ASIC2: variants seen among roughly 807,000 people sequenced by gnomAD.
ASIC2 encodes the protein acid sensing ion channel subunit 2.
ASIC2 carries 25 observed loss-of-function variants against 57.3 expected under a neutral mutation model. That is an observed-to-expected ratio of 0.44 (90% CI 0.32 to 0.61). ASIC2 has a LOEUF of 0.61. ASIC2 is among the 20% of genes least tolerant of loss of function. ASIC2 has a pLI of 0.06. For missense variants in ASIC2, 641 were observed against 738.1 expected (o/e 0.87, Z 1.52); for synonymous variants, 319 against 307.5 (o/e 1.04, Z -0.39).
chr17:33,491,471 A>G (rs1913756487), intron 1 of ASIC2, among the ~76,000 whole-genome samples: 1 of 152,334 alleles, frequency 6.6e-6, no homozygotes, highest in African/African-American at 2.4e-5. Flanking sequence ...CTGCATGCAT[A>G]GACTATTTCT....
At chr17:33,060,505 G>C (rs944576459) in intron 3 of ASIC2, among the ~76,000 whole-genome samples, 9 of 152,136 alleles carry the variant, frequency 5.9e-5, no homozygotes, top group African/African-American at 2.2e-4. Flanking sequence ...GCTCTGTTCT[G>C]TTCCGTTGGT....
chr17:33,740,085 G>A (rs1452985274), intron 1 of ASIC2, among the ~76,000 whole-genome samples: 1 of 152,178 alleles, frequency 6.6e-6, no homozygotes, highest in Non-Finnish European at 1.5e-5. Context: ...GAGGCAGAAA[G>A]GAGAGCCAGG....
intron 1 of ASIC2, among the ~76,000 whole-genome samples, chr17:33,390,578 G>A (rs993056678): frequency 6.6e-6 from 1 of 152,160 alleles, no homozygotes; most frequent in Admixed American, 6.5e-5. Context: ...GCTGTAGAGT[G>A]TCTCCCAGGG....
rs115127036 is a variant in ASIC2, at chr17:33,837,068, C to T, written c.555+318910G>A. ...TCTTGAGCATTCTCTGTACTGATTA[C>T]GTGGGCTGAAAGATCAATGGGCTTT... On this transcript the variant is annotated intron_variant, in intron 1 of 9. Coordinates refer to the ASIC2 transcript ENST00000359872. Among the ~76,000 whole-genome samples, 512 of 152,256 alleles carry T rather than the reference C, an allele frequency of 3.4e-3. 3 individuals carry two copies. Among genetic ancestry groups the T allele is most frequent in the African/African-American group, 0.01 (423 of 41,536 alleles).
chr17:33,740,014 GAGAGAGAA>G (rs1210400965), intron 1 of ASIC2, among the ~76,000 whole-genome samples: 1 of 144,804 alleles, frequency 6.9e-6, no homozygotes, highest in Non-Finnish European at 1.6e-5. Context: ...TAAAGAAAGA[GAGAGAGAA>G]AGAAAGAAAA....
At chr17:33,766,901 C>T (rs1055172577) in intron 1 of ASIC2, among the ~76,000 whole-genome samples, 5 of 152,088 alleles carry the variant, frequency 3.3e-5, no homozygotes, top group Non-Finnish European at 7.4e-5. Flanking sequence ...ATTTTGATGG[C>T]GATAAACTCT....
At chr17:33,782,640 G>C (rs1911490505) in intron 1 of ASIC2, among the ~76,000 whole-genome samples, 1 of 152,032 alleles carries the variant, frequency 6.6e-6, no homozygotes, top group African/African-American at 2.4e-5. Context: ...TAGGTGAGAG[G>C]GTTGCCTGAG....
At chr17:33,714,760 ATGT>A (rs1909158023) in intron 1 of ASIC2, among the ~76,000 whole-genome samples, 1 of 147,990 alleles carries the variant, frequency 6.8e-6, no homozygotes, top group Non-Finnish European at 1.5e-5. Context: ...AAACAACCAA[ATGT>A]TGTTGTTTCA....
intron 1 of ASIC2, among the ~76,000 whole-genome samples, chr17:33,664,480 T>G (rs1375060603): frequency 6.6e-6 from 1 of 152,174 alleles, no homozygotes; most frequent in East Asian, 1.9e-4. Context: ...GATGATCCAA[T>G]GAGAGCTGAG....
intron 1 of ASIC2, among the ~76,000 whole-genome samples, chr17:33,474,966 G>A (rs1034334440): frequency 3.3e-5 from 5 of 152,248 alleles, no homozygotes; most frequent in South Asian, 2.1e-4. Flanking sequence ...GGAGTTGATC[G>A]TCCTGCCTCC....
At chr17:34,104,073 T>C (rs1456898427) in intron 1 of ASIC2, among the ~76,000 whole-genome samples, 1 of 152,160 alleles carries the variant, frequency 6.6e-6, no homozygotes, top group East Asian at 1.9e-4. Flanking sequence ...ATATTGAATT[T>C]TCCAACCCAC....
intron 1 of ASIC2, among the ~76,000 whole-genome samples, chr17:34,104,817 T>C (rs1910986235): frequency 1.4e-5 from 2 of 140,866 alleles, no homozygotes; most frequent in Admixed American, 1.3e-4. Flanking sequence ...TAAAATTTAA[T>C]TGGTTATAAT....
intron 1 of ASIC2, among the ~76,000 whole-genome samples, chr17:34,132,226 T>C (rs1911998149): frequency 6.6e-6 from 1 of 152,180 alleles, no homozygotes; most frequent in African/African-American, 2.4e-5. Flanking sequence ...GGTAAGTTCG[T>C]GGTGTCGCTG....
At position 33,421,985 on chromosome 17, in the gene ASIC2, T is replaced by A. The variant is rs115038118; in HGVS notation, c.556-309918A>T. Among the ~76,000 whole-genome samples, 336 of 152,342 alleles carry A rather than the reference T, an allele frequency of 2.2e-3. 6 individuals carry two copies. Among genetic ancestry groups the A allele is most frequent in the African/African-American group, 7.2e-3 (300 of 41,586 alleles). On this transcript the variant is annotated intron_variant, in intron 1 of 9. Coordinates refer to the ASIC2 transcript ENST00000359872. Reference sequence around the variant, plus strand: ...CGCCAGCCTTTGGACAGACCTCGACTTGGAATGTTTTTCCCAACTGTATCT... The same window carrying A: ...CGCCAGCCTTTGGACAGACCTCGACATGGAATGTTTTTCCCAACTGTATCT...
At chr17:33,866,666 A>T (rs1378346716) in intron 1 of ASIC2, among the ~76,000 whole-genome samples, 1 of 151,970 alleles carries the variant, frequency 6.6e-6, no homozygotes, top group Admixed American at 6.6e-5. Flanking sequence ...CCTTGAACAC[A>T]CTCCAGGTAC....
intron 1 of ASIC2, among the ~76,000 whole-genome samples, chr17:33,355,039 A>C (rs974393535): frequency 1.1e-4 from 17 of 152,168 alleles, no homozygotes; most frequent in Admixed American, 6.6e-5. Flanking sequence ...TGTTGTGTCC[A>C]TGTGTGTAAG....
At chr17:33,069,265 C>G (rs1296942984) in intron 3 of ASIC2, among the ~76,000 whole-genome samples, 1 of 152,150 alleles carries the variant, frequency 6.6e-6, no homozygotes, top group Non-Finnish European at 1.5e-5. Flanking sequence ...TATGGTCTAT[C>G]TTGGTAAGCG....
chr17:33,358,971 T>C (rs1345978932), intron 1 of ASIC2, among the ~76,000 whole-genome samples: 2 of 152,216 alleles, frequency 1.3e-5, no homozygotes, highest in Non-Finnish European at 2.9e-5. Flanking sequence ...GGAGAACTTT[T>C]AGAAAGGTTC....
At chr17:33,071,594 C>A (rs1468824743) in intron 3 of ASIC2, among the ~76,000 whole-genome samples, 1 of 152,132 alleles carries the variant, frequency 6.6e-6, no homozygotes, top group African/African-American at 2.4e-5. Context: ...TCTTTGCATG[C>A]CAATCATGGA....
Sources: gnomAD v4.1 joint callset for allele counts (sites outside exome capture counted in the v4.1 genomes callset) on GRCh38, gnomAD v4.1.1 for gene constraint, MANE v1.5 for transcripts, NCBI Gene and HGNC (gene_info 2026-07-23, HGNC 2026-07-21) for gene names.